GHITM: variants seen among roughly 807,000 people sequenced by gnomAD.
The protein encoded by GHITM is growth hormone-inducible transmembrane protein.
GHITM carries 24 observed loss-of-function variants against 38.7 expected under a neutral mutation model. That is an observed-to-expected ratio of 0.62 (90% CI 0.45 to 0.87). The LOEUF (loss-of-function observed/expected upper bound fraction) is 0.87. Ranked by LOEUF, GHITM falls within the 40% of genes least tolerant of loss-of-function variation. The pLI, the probability that GHITM is intolerant of heterozygous loss-of-function variation, is 0.00. For synonymous variants in GHITM, 154 were observed against 147.8 expected (o/e 1.04, Z -0.30); for missense variants, 420 against 429.8 (o/e 0.98, Z 0.20).
intron 3 of GHITM, 65 bp from the exon 4 acceptor site, chr10:84,143,930 A>C: frequency 9.6e-7 from 1 of 1,043,282 alleles, no homozygotes; most frequent in Non-Finnish European, 1.5e-6. Flanking sequence ...TTCCCTTGAT[A>C]AATATTTTAA....
chr10:84,151,156 T>G (rs911704130), intron 8 of GHITM, among the ~76,000 whole-genome samples: 9 of 152,190 alleles, frequency 5.9e-5, no homozygotes, highest in Non-Finnish European at 1.2e-4. Flanking sequence ...GTCCTTGACA[T>G]TCCTTGGCTT....
At chr10:84,141,728 C>A in intron 2 of GHITM, 99 bp downstream of exon 2, 1 of 1,112,318 alleles carries the variant, frequency 9.0e-7, no homozygotes, top group Non-Finnish European at 1.4e-6. Context: ...TGTTATACGT[C>A]AGTTAGCCCT....
Position 84,150,748 on chromosome 10 carries a change from C to G in GHITM, c.821C>G (p.Thr274Ser). 1 of 1,613,184 alleles carries G rather than the reference C, an allele frequency of 6.2e-7. No individual in the cohort carries two copies. Among genetic ancestry groups the G allele is most frequent in the Non-Finnish European group, 8.5e-7 (1 of 1,179,314 alleles). Residue 274 changes from threonine to serine, a missense_variant, in exon 8 of 9, where the codon ACT (threonine) becomes AGT (serine). Transcript: ENST00000372134. ...CCACCTACCACCGTGGCTGGTGCCA[C>G]TCTTTACTCAGTGGCAATGTACGGT... is the stretch of plus-strand genomic sequence containing the variant. ...FLPPTTVAGATLYSVAMYGGL... is the reference protein window; with the variant it reads ...FLPPTTVAGASLYSVAMYGGL...
intron 5 of GHITM, 46 bp from the exon 6 acceptor site, chr10:84,148,684 G>T (rs1404127658): frequency 8.5e-7 from 1 of 1,180,356 alleles, no homozygotes; most frequent in South Asian, 1.2e-5. Flanking sequence ...TTTCTGCTTT[G>T]TTTTCATATA....
chr10:84,144,124 A>C lies in GHITM; in HGVS notation c.341+18A>C. On this transcript the variant is annotated intron_variant, in intron 4 of 8. Transcript: ENST00000372134. Reference sequence around the variant, plus strand: ...AAGGCTGTGTAAGTAAATTGTTTTAAGTAAACTGTTCCTAAACAACTCCAG... The same window carrying C: ...AAGGCTGTGTAAGTAAATTGTTTTACGTAAACTGTTCCTAAACAACTCCAG... The C allele has an allele frequency of 1.3e-6, 2 of 1,503,690 alleles. No individual in the cohort carries two copies. The highest frequency in any genetic ancestry group is 1.9e-6 in the Non-Finnish European group (2 of 1,079,172). 93.1% of individuals were successfully genotyped at this position (1,503,690 alleles called of 1,614,324 possible).
intron 6 of GHITM, among the ~76,000 whole-genome samples, chr10:84,149,612 A>G (rs1350355676): frequency 4.6e-5 from 7 of 152,232 alleles, no homozygotes; most frequent in Non-Finnish European, 1.0e-4. Flanking sequence ...TCCTTATTAC[A>G]TAAAGAAACA....
rs80294568 is a variant in GHITM, at chr10:84,140,879, T to C, written c.-39-583T>C. The stretch of plus-strand genomic sequence containing the variant: ...CCTTTACGCATTATAGTAGGACATA[T>C]AGAATAGGTTAACTTAGAATATTTT... On this transcript the variant is annotated intron_variant, in intron 1 of 8. Coordinates refer to ENST00000372134, the MANE Select transcript of GHITM (RefSeq NM_014394.3). Among the ~76,000 whole-genome samples, 1,278 of 152,338 alleles carry C rather than the reference T, an allele frequency of 8.4e-3. 16 individuals are homozygous for C. The highest frequency in any genetic ancestry group is 0.029 in the African/African-American group (1,223 of 41,570).
chr10:84,143,247 T>C (rs923627086), intron 3 of GHITM, among the ~76,000 whole-genome samples: 1 of 152,196 alleles, frequency 6.6e-6, no homozygotes, highest in Non-Finnish European at 1.5e-5. Context: ...GAAACTAGAT[T>C]GTTAATCATC....
In GHITM at chr10:84,150,789, A is replaced by G; in HGVS notation, c.862A>G (p.Ser288Gly). ...AATGTACGGTGGATTAGTTCTTTTC[A>G]GCATGTTCCTTCTGTATGATACCCA... ...VAMYGGLVLF[S>G]MFLLYDTQKV... The change falls in exon 8 of 9, where the codon AGC becomes GGC. Residue 288 changes from serine to glycine, a missense_variant. Physicochemically the swap from Ser to Gly is moderately conservative, Grantham distance 56. Transcript: ENST00000372134. 1.9e-6 allele frequency: 3 copies of G among 1,612,620 alleles called. No individual in the cohort carries two copies. Among genetic ancestry groups the G allele is most frequent in the Non-Finnish European group, 2.5e-6 (3 of 1,178,714 alleles).
chr10:84,149,797 A>G lies in GHITM; in HGVS notation c.593-258A>G, dbSNP rs553210780. ...GATTCAAATAGCTACATGGAATTTGATGGTTACTAAATAAGTAGATTAGTG... is the reference window on the plus strand; with the variant it reads ...GATTCAAATAGCTACATGGAATTTGGTGGTTACTAAATAAGTAGATTAGTG... On this transcript the variant is annotated intron_variant, in intron 6 of 8. Transcript: ENST00000372134. 3.9e-5 allele frequency among the ~76,000 whole-genome samples: 6 copies of G among 152,324 alleles called. 1 individual carries two copies. The Middle Eastern group carries it at 0.017, about 432-fold the overall frequency.
At chr10:84,144,255 G>T in intron 4 of GHITM, 149 bp downstream of exon 4, 1 of 553,598 alleles carries the variant, frequency 1.8e-6, no homozygotes, top group Admixed American at 3.2e-5. Context: ...ATCTCTTTTT[G>T]CTTCTTTGAC....
chr10:84,141,407 A>T, intron 1 of GHITM, 55 bp from the exon 2 acceptor site: 1 of 1,032,558 alleles, frequency 9.7e-7, no homozygotes, highest in Non-Finnish European at 1.5e-6. Flanking sequence ...TTAATTGGTT[A>T]GTAGGTTGTT....
At chr10:84,145,040 C>T in intron 5 of GHITM, 24 bp downstream of exon 5, 1 of 1,565,246 alleles carries the variant, frequency 6.4e-7, no homozygotes, top group Non-Finnish European at 8.7e-7. Flanking sequence ...TTTTGTTTTC[C>T]TTTTTCATCT....
chr10:84,150,078 C>A lies in GHITM; in HGVS notation c.616C>A (p.Pro206Thr). Residue 206 changes from proline to threonine, a missense_variant, in exon 7 of 9, where the codon CCT becomes ACT. Pro to Thr is a conservative substitution (Grantham distance 38, BLOSUM62 -1). Transcript: ENST00000372134. The part of the protein sequence containing the change: ...HSGVMGAVVA[P>T]LTILGGPLLI... ...AGGTGTGATGGGTGCAGTGGTGGCT[C>A]CTCTGACAATATTAGGGGGTCCTCT... is the stretch of plus-strand genomic sequence containing the variant. 6.2e-7 allele frequency: 1 copy of A among 1,600,980 alleles called. No individual in the cohort carries two copies. Among genetic ancestry groups the A allele is most frequent in the Non-Finnish European group, 8.5e-7 (1 of 1,171,356 alleles).
intron 1 of GHITM, chr10:84,140,383 C>T (rs554072132): frequency 6.6e-6 from 1 of 152,088 alleles, no homozygotes; most frequent in Non-Finnish European, 1.5e-5. Flanking sequence ...TTGGAGTGTT[C>T]GTTAAAACAC....
At chr10:84,142,007 C>T (rs991476698) in intron 2 of GHITM, among the ~76,000 whole-genome samples, 1 of 152,262 alleles carries the variant, frequency 6.6e-6, no homozygotes, top group East Asian at 1.9e-4. Flanking sequence ...AATATATTAT[C>T]TCTTATTTAG....
chr10:84,145,288 A>G (rs1184936074), intron 5 of GHITM, among the ~76,000 whole-genome samples: 1 of 152,214 alleles, frequency 6.6e-6, no homozygotes, highest in African/African-American at 2.4e-5. Context: ...CCTAACAACA[A>G]TGAAGTGTAA....
intron 5 of GHITM, among the ~76,000 whole-genome samples, chr10:84,147,622 TTTTG>T (rs1841568914): frequency 8.0e-6 from 1 of 125,238 alleles, no homozygotes. Context: ...TGTTCTTTTT[TTTTG>T]TTTGTTTTTT....
chr10:84,147,849 T>C (rs1169654482), intron 5 of GHITM, among the ~76,000 whole-genome samples: 1 of 152,176 alleles, frequency 6.6e-6, no homozygotes, highest in Non-Finnish European at 1.5e-5. Flanking sequence ...GCCATAAACC[T>C]GGAAGGGTAG....
Sources: allele counts gnomAD v4.1 joint callset (sites outside exome capture counted in the v4.1 genomes callset), GRCh38; gene constraint gnomAD v4.1.1; transcripts MANE v1.5; gene names NCBI Gene and HGNC (gene_info 2026-07-23, HGNC 2026-07-21).